Variants in FOXP2 observed in about 807,000 individuals in gnomAD.
FOXP2 encodes forkhead box P2.
FOXP2 carries 12 observed loss-of-function variants against 115.8 expected under a neutral mutation model. The ratio of observed to expected loss-of-function variants is 0.10; its 90% CI spans 0.07 to 0.17. The LOEUF is 0.17. Ranked by LOEUF, FOXP2 falls within the 10% of genes least tolerant of loss-of-function variation. The probability of loss-of-function intolerance (pLI) is 1.00; values close to 1 mark genes in which losing one functional copy is unlikely to be tolerated. For missense variants in FOXP2, 629 were observed against 843.5 expected (o/e 0.75, Z 3.15); for synonymous variants, 328 against 297.7 (o/e 1.10, Z -1.05).
At chr7:114,267,529 C>A (rs983653947) in intron 1 of FOXP2, among the ~76,000 whole-genome samples, 2 of 151,666 alleles carry the variant, frequency 1.3e-5, no homozygotes, top group East Asian at 1.9e-4. Context: ...GAGATCGAGA[C>A]CATCCTGGCT....
At chr7:114,680,669 G>A (rs1321812639) in intron 16 of FOXP2, among the ~76,000 whole-genome samples, 1 of 151,860 alleles carries the variant, frequency 6.6e-6, no homozygotes, top group South Asian at 2.1e-4. Context: ...ACTTGAACCC[G>A]GGAAGGCGGA....
chr7:114,370,076 A>G (rs1370760421), intron 2 of FOXP2, among the ~76,000 whole-genome samples: 1 of 152,210 alleles, frequency 6.6e-6, no homozygotes, highest in Admixed American at 6.5e-5. Flanking sequence ...AATTTAAAGT[A>G]TTGGGAAAAA....
chr7:114,611,919 G>T (rs1803649820), intron 3 of FOXP2, among the ~76,000 whole-genome samples: 1 of 151,902 alleles, frequency 6.6e-6, no homozygotes, highest in South Asian at 2.1e-4. Flanking sequence ...GGGGTATGGT[G>T]GTAGGTGAGG....
chr7:114,687,689 T>C (rs1808437185), intron 16 of FOXP2, among the ~76,000 whole-genome samples: 1 of 152,194 alleles, frequency 6.6e-6, no homozygotes. Context: ...AGTACATATC[T>C]CTAGGATTGT....
chr7:114,202,716 C>T (rs1381680691), intron 1 of FOXP2, among the ~76,000 whole-genome samples: 4 of 152,118 alleles, frequency 2.6e-5, no homozygotes, highest in Non-Finnish European at 4.4e-5. Context: ...TACTTAATCT[C>T]TAATTTGCAT....
intron 2 of FOXP2, among the ~76,000 whole-genome samples, chr7:114,448,011 C>A (rs1187897247): frequency 6.6e-6 from 1 of 152,092 alleles, no homozygotes; most frequent in Non-Finnish European, 1.5e-5. Flanking sequence ...TGTATTTAAT[C>A]TGTTCACTGT....
intron 1 of FOXP2, among the ~76,000 whole-genome samples, chr7:114,235,784 C>T (rs1794992884): frequency 6.6e-6 from 1 of 152,152 alleles, no homozygotes. Flanking sequence ...ACCTCATTAT[C>T]AGGATGATCA....
At chr7:114,491,600 G>T (rs1479155292) in intron 2 of FOXP2, among the ~76,000 whole-genome samples, 1 of 151,494 alleles carries the variant, frequency 6.6e-6, no homozygotes, top group Non-Finnish European at 1.5e-5. Context: ...GTCCTGAATG[G>T]TATTGCCTAG....
intron 3 of FOXP2, among the ~76,000 whole-genome samples, chr7:114,587,589 TAA>T (rs1161440345): frequency 6.6e-6 from 1 of 152,062 alleles, no homozygotes; most frequent in Non-Finnish European, 1.5e-5. Context: ...TTATTCGTAT[TAA>T]GTTTCAGCTT....
At chr7:114,587,159 A>G (rs554965599) in intron 3 of FOXP2, among the ~76,000 whole-genome samples, 60 of 151,746 alleles carry the variant, frequency 4.0e-4, no homozygotes, top group African/African-American at 1.3e-3. Flanking sequence ...TGCTGCACCT[A>G]TTAACCTGTC....
intron 1 of FOXP2, among the ~76,000 whole-genome samples, chr7:114,238,078 T>A (rs1032865666): frequency 7.2e-5 from 11 of 152,218 alleles, no homozygotes; most frequent in Admixed American, 3.3e-4. Flanking sequence ...GACATATGTA[T>A]TTTTTGTTAA....
intron 1 of FOXP2, among the ~76,000 whole-genome samples, chr7:114,270,935 T>C (rs1263026300): frequency 6.6e-6 from 1 of 152,086 alleles, no homozygotes; most frequent in African/African-American, 2.4e-5. Context: ...AGGGCTATGA[T>C]CCATTTTGAG....
intron 2 of FOXP2, among the ~76,000 whole-genome samples, chr7:114,292,104 T>A (rs1442633514): frequency 6.6e-6 from 1 of 150,734 alleles, no homozygotes; most frequent in African/African-American, 2.4e-5. Context: ...TTTAAAATAA[T>A]CATCAGAGTG....
intron 2 of FOXP2, among the ~76,000 whole-genome samples, chr7:114,461,019 T>C (rs1795537711): frequency 6.6e-6 from 1 of 152,182 alleles, no homozygotes; most frequent in African/African-American, 2.4e-5. Context: ...TTATGTTGAG[T>C]GTGCAGAGGA....
intron 3 of FOXP2, among the ~76,000 whole-genome samples, chr7:114,590,747 A>C (rs1273453143): frequency 2.6e-5 from 4 of 152,124 alleles, no homozygotes; most frequent in African/African-American, 9.7e-5. Context: ...AAGATGATGA[A>C]TGATTATCTA....
intron 2 of FOXP2, among the ~76,000 whole-genome samples, chr7:114,344,417 G>T (rs951359083): frequency 6.6e-5 from 10 of 151,800 alleles, no homozygotes; most frequent in Admixed American, 2.0e-4. Context: ...ATTCCCCATT[G>T]TATGCCAACA....
intron 16 of FOXP2, among the ~76,000 whole-genome samples, chr7:114,678,777 T>C (rs570471683): frequency 6.6e-6 from 1 of 152,208 alleles, no homozygotes; most frequent in East Asian, 1.9e-4. Flanking sequence ...GTTTTCAGAA[T>C]CTTTTCATCT....
At chr7:114,689,397 T>C (rs537629007) in intron 16 of FOXP2, among the ~76,000 whole-genome samples, 230 of 152,334 alleles carry the variant, frequency 1.5e-3, no homozygotes, top group African/African-American at 5.0e-3. Flanking sequence ...TCTTAATTGC[T>C]AGCAAAAAAC....
chr7:114,591,722 A>C (rs917587654), intron 3 of FOXP2, among the ~76,000 whole-genome samples: 1 of 152,078 alleles, frequency 6.6e-6, no homozygotes, highest in African/African-American at 2.4e-5. Context: ...TAACCATAGA[A>C]GCTATGTACA....
Sources: gnomAD v4.1 joint callset for allele counts (sites outside exome capture counted in the v4.1 genomes callset) on GRCh38, gnomAD v4.1.1 for gene constraint, MANE v1.5 for transcripts, NCBI Gene and HGNC (gene_info 2026-07-23, HGNC 2026-07-21) for gene names.